KHDRBS2: variants seen among roughly 807,000 people sequenced by gnomAD.
The protein encoded by KHDRBS2 is KH domain-containing, RNA-binding, signal transduction-associated protein 2.
A neutral mutation model predicts 44.3 loss-of-function variants in KHDRBS2; 26 were observed. That is an observed-to-expected ratio of 0.59 (90% CI 0.43 to 0.81). KHDRBS2 has a LOEUF of 0.81. Among genes scored for constraint, KHDRBS2 ranks in the 40% least tolerant of loss-of-function variants. The pLI is 0.00. For synonymous variants in KHDRBS2, 194 were observed against 151.1 expected, an observed-to-expected ratio of 1.28 and a Z score of -2.08; for missense variants, 476 against 433.1, an observed-to-expected ratio of 1.10 and a Z score of -0.88.
intron 4 of KHDRBS2, among the ~76,000 whole-genome samples, chr6:61,913,668 C>T (rs1230989296): frequency 2.0e-5 from 3 of 151,738 alleles, no homozygotes; most frequent in Non-Finnish European, 4.4e-5. Flanking sequence ...GAGAGTAATA[C>T]TGTGAAAAAA....
At chr6:61,572,400 G>A in the KHDRBS2 span, among the ~76,000 whole-genome samples, 2 of 152,040 alleles carry the variant, frequency 1.3e-5, no homozygotes, top group Non-Finnish European at 2.9e-5. Context: ...ATTCAAAGAA[G>A]AATCAGTACC....
intron 6 of KHDRBS2, among the ~76,000 whole-genome samples, chr6:61,829,047 A>G (rs188459365): frequency 6.6e-6 from 1 of 152,330 alleles, no homozygotes. Context: ...ATATAGAGGT[A>G]TTTTCTATTC....
intron 2 of KHDRBS2, among the ~76,000 whole-genome samples, chr6:62,103,691 CAG>C (rs894824475): frequency 6.6e-6 from 1 of 152,134 alleles, no homozygotes; most frequent in African/African-American, 2.4e-5. Context: ...TGTGGCTCTG[CAG>C]AGAGTACAAG....
At chr6:62,098,215 T>C (rs1386457624) in intron 2 of KHDRBS2, among the ~76,000 whole-genome samples, 1 of 151,484 alleles carries the variant, frequency 6.6e-6, no homozygotes, top group South Asian at 2.1e-4. Flanking sequence ...ATATACTTAC[T>C]CTTACCAGTG....
At chr6:61,621,669 A>G in the KHDRBS2 span, among the ~76,000 whole-genome samples, 5 of 152,316 alleles carry the variant, frequency 3.3e-5, no homozygotes, top group Admixed American at 6.5e-5. Context: ...GTAACCCCCA[A>G]TGATCCACGT....
At chr6:61,773,436 T>G (rs1164680280) in intron 6 of KHDRBS2, among the ~76,000 whole-genome samples, 4 of 152,200 alleles carry the variant, frequency 2.6e-5, no homozygotes, top group Admixed American at 6.5e-5. Context: ...TGCATAAATG[T>G]CTTCTTTTGA....
chr6:61,946,032 T>C (rs950601886), intron 4 of KHDRBS2, among the ~76,000 whole-genome samples: 1 of 151,992 alleles, frequency 6.6e-6, no homozygotes, highest in Non-Finnish European at 1.5e-5. Flanking sequence ...AGAGAGAGAG[T>C]AATGAGAGAT....
intron 6 of KHDRBS2, among the ~76,000 whole-genome samples, chr6:61,741,023 G>A (rs184029478): frequency 1.8e-4 from 27 of 151,848 alleles, no homozygotes; most frequent in Admixed American, 7.9e-4. Flanking sequence ...GAGGGCACAA[G>A]GTCAGCTGTA....
At chr6:61,607,310 T>C in the KHDRBS2 span, among the ~76,000 whole-genome samples, 2 of 151,236 alleles carry the variant, frequency 1.3e-5, no homozygotes, top group African/African-American at 4.8e-5. Context: ...ATACATAACA[T>C]GCTAATACTG....
At chr6:61,778,006 C>A (rs1013343614) in intron 6 of KHDRBS2, among the ~76,000 whole-genome samples, 1 of 152,028 alleles carries the variant, frequency 6.6e-6, no homozygotes, top group Non-Finnish European at 1.5e-5. Flanking sequence ...CTCCTCCCAC[C>A]CTCTACCTTC....
intron 3 of KHDRBS2, among the ~76,000 whole-genome samples, chr6:62,046,810 GTA>G (rs1433420477): frequency 6.6e-6 from 1 of 151,792 alleles, no homozygotes; most frequent in East Asian, 1.9e-4. Flanking sequence ...ATTGTACACA[GTA>G]TAGAGTAATC....
At chr6:61,831,902 G>A (rs928500654) in intron 6 of KHDRBS2, among the ~76,000 whole-genome samples, 2 of 152,120 alleles carry the variant, frequency 1.3e-5, no homozygotes, top group African/African-American at 4.8e-5. Flanking sequence ...CATAATTAGG[G>A]ATAAGTCATT....
At chr6:62,023,283 T>C (rs1254970165) in intron 3 of KHDRBS2, among the ~76,000 whole-genome samples, 1 of 151,684 alleles carries the variant, frequency 6.6e-6, no homozygotes, top group African/African-American at 2.4e-5. Context: ...CCTGAGTATG[T>C]GCTTATATAT....
chr6:61,677,326 T>A (rs1766000829), downstream of KHDRBS2, among the ~76,000 whole-genome samples: 1 of 151,938 alleles, frequency 6.6e-6, no homozygotes, highest in Non-Finnish European at 1.5e-5. Context: ...GGTGAGAGAT[T>A]CTTTTTCCTC....
At chr6:61,871,519 T>C (rs1451464785) in intron 6 of KHDRBS2, among the ~76,000 whole-genome samples, 1 of 152,106 alleles carries the variant, frequency 6.6e-6, no homozygotes, top group Non-Finnish European at 1.5e-5. Flanking sequence ...ACCACAAAGA[T>C]ACTCCTCAAG....
intron 6 of KHDRBS2, among the ~76,000 whole-genome samples, chr6:61,810,937 A>T (rs1312578935): frequency 2.0e-5 from 3 of 151,974 alleles, no homozygotes; most frequent in Non-Finnish European, 4.4e-5. Context: ...ATTTTATTTT[A>T]TTATTATTTT....
At chr6:61,999,906 T>C (rs191007876) in intron 3 of KHDRBS2, among the ~76,000 whole-genome samples, 1 of 152,242 alleles carries the variant, frequency 6.6e-6, no homozygotes, top group East Asian at 1.9e-4. Context: ...GAATATTAGA[T>C]ATCTTATGGT....
intron 4 of KHDRBS2, among the ~76,000 whole-genome samples, chr6:61,955,564 G>T (rs1426129283): frequency 1.7e-5 from 1 of 60,286 alleles, no homozygotes; most frequent in East Asian, 8.4e-4. Context: ...GTATACATGT[G>T]TATATATACA....
At chr6:62,165,762 T>C (rs1456474558) in intron 2 of KHDRBS2, among the ~76,000 whole-genome samples, 1 of 152,032 alleles carries the variant, frequency 6.6e-6, no homozygotes, top group Non-Finnish European at 1.5e-5. Flanking sequence ...CTTGAACTTC[T>C]GTGTTTAAGT....
Sources: gnomAD v4.1 joint callset for allele counts (sites outside exome capture counted in the v4.1 genomes callset) on GRCh38, gnomAD v4.1.1 for gene constraint, MANE v1.5 for transcripts, NCBI Gene and HGNC (gene_info 2026-07-23, HGNC 2026-07-21) for gene names.